GPC5: variants seen among roughly 807,000 people sequenced by gnomAD.
GPC5 encodes glypican-5.
A neutral mutation model predicts 53.9 loss-of-function variants in GPC5; 47 were observed. That is an observed-to-expected ratio of 0.87 (90% CI 0.69 to 1.11). GPC5 has a LOEUF of 1.11. Ranked by LOEUF, GPC5 falls within the 50% of genes most tolerant of loss-of-function variation. The pLI is 0.00. For missense variants in GPC5, 748 were observed against 713.1 expected (o/e 1.05, Z -0.56); for synonymous variants, 286 against 263.3 (o/e 1.09, Z -0.84).
intron 7 of GPC5, among the ~76,000 whole-genome samples, chr13:92,381,791 A>G (rs2043741120): frequency 9.1e-6 from 1 of 109,854 alleles, no homozygotes; most frequent in Admixed American, 9.2e-5. Flanking sequence ...AAACTGTGAT[A>G]TATATAGATA....
intron 7 of GPC5, among the ~76,000 whole-genome samples, chr13:92,514,972 C>T (rs548383045): frequency 4.9e-4 from 75 of 152,112 alleles, no homozygotes; most frequent in Non-Finnish European, 8.5e-4. Flanking sequence ...TCCACAGAAA[C>T]GCAGGGAGAT....
chr13:91,919,505 T>C (rs2039690618), intron 6 of GPC5, among the ~76,000 whole-genome samples: 1 of 152,240 alleles, frequency 6.6e-6, no homozygotes, highest in African/African-American at 2.4e-5. Flanking sequence ...GCTGCTGTGA[T>C]AAAATATAGT....
Position 91,728,442 on chromosome 13 carries a change from G to A in GPC5, c.1021-90G>A, listed in dbSNP as rs569467319. 4.0e-5 allele frequency: 49 copies of A among 1,222,812 alleles called. No individual in the cohort carries two copies. In the South Asian group the frequency reaches 5.1e-4, roughly 13 times the overall value. 75.7% of individuals were successfully genotyped at this position (1,222,812 alleles called of 1,614,324 possible). ...TTAATATTGAGGTGAAAGCAAAAAC[G>A]TGTCATTGTTTTGGGCCCTATGAAA... On this transcript the variant is annotated intron_variant, in intron 3 of 7. Coordinates refer to ENST00000377067, the MANE Select transcript of GPC5 (RefSeq NM_004466.6).
intron 6 of GPC5, among the ~76,000 whole-genome samples, chr13:92,108,346 T>G (rs1339172313): frequency 6.6e-6 from 1 of 152,204 alleles, no homozygotes; most frequent in East Asian, 1.9e-4. Context: ...AGTAATTTAA[T>G]TCTGAAAACC....
chr13:92,353,458 C>T (rs1432391196), intron 7 of GPC5, among the ~76,000 whole-genome samples: 1 of 151,808 alleles, frequency 6.6e-6, no homozygotes, highest in East Asian at 1.9e-4. Context: ...TAAAGTAATA[C>T]CTGACTATAA....
chr13:92,125,326 G>A (rs540827882), intron 6 of GPC5, among the ~76,000 whole-genome samples: 2 of 152,228 alleles, frequency 1.3e-5, no homozygotes, highest in East Asian at 3.9e-4. Flanking sequence ...AACAATAAAT[G>A]TGTGTTTTAA....
intron 5 of GPC5, among the ~76,000 whole-genome samples, chr13:91,864,579 A>G (rs1035313107): frequency 1.3e-5 from 2 of 152,170 alleles, no homozygotes; most frequent in Non-Finnish European, 2.9e-5. Flanking sequence ...AGAAAAATAA[A>G]CTTAGGGACT....
At chr13:92,353,236 TG>T (rs1327037430) in intron 7 of GPC5, among the ~76,000 whole-genome samples, 2 of 128,682 alleles carry the variant, frequency 1.6e-5, no homozygotes, top group Non-Finnish European at 3.1e-5. Context: ...GTCCGCAGTC[TG>T]GCCTGGGCGA....
chr13:92,629,581 G>A (rs570020098), intron 7 of GPC5, among the ~76,000 whole-genome samples: 12 of 152,204 alleles, frequency 7.9e-5, no homozygotes, highest in Admixed American at 1.3e-4. Context: ...AAACATTTTC[G>A]AATATATAAT....
intron 7 of GPC5, among the ~76,000 whole-genome samples, chr13:92,546,183 A>G (rs1018611519): frequency 2.0e-5 from 3 of 152,154 alleles, no homozygotes; most frequent in Admixed American, 2.0e-4. Context: ...AGGCAGGAGA[A>G]GGAAATAAAG....
At chr13:91,979,959 C>A (rs2040342632) in intron 6 of GPC5, among the ~76,000 whole-genome samples, 1 of 152,170 alleles carries the variant, frequency 6.6e-6, no homozygotes, top group Non-Finnish European at 1.5e-5. Flanking sequence ...AGAGACACCT[C>A]CGCCTTTTAC....
At chr13:92,527,344 AACAGAGGAGGAAAAG>A (rs1881401974) in intron 7 of GPC5, among the ~76,000 whole-genome samples, 2 of 152,252 alleles carry the variant, frequency 1.3e-5, no homozygotes, top group Middle Eastern at 3.4e-3. Context: ...TTATGCGTCC[AACAGAGGAGGAAAAG>A]GCAAGCAGCA....
At chr13:92,600,472 T>C (rs1566313060) in intron 7 of GPC5, among the ~76,000 whole-genome samples, 1 of 151,986 alleles carries the variant, frequency 6.6e-6, no homozygotes, top group African/African-American at 2.4e-5. Flanking sequence ...TGTTTTTTTT[T>C]CTTTTCAATT....
intron 7 of GPC5, among the ~76,000 whole-genome samples, chr13:92,825,439 T>C (rs1446443284): frequency 6.6e-5 from 10 of 152,118 alleles, no homozygotes. Flanking sequence ...ATGCAAATGT[T>C]ATTAATTCAA....
At chr13:92,274,341 T>G (rs2042860451) in intron 7 of GPC5, among the ~76,000 whole-genome samples, 1 of 152,122 alleles carries the variant, frequency 6.6e-6, no homozygotes, top group Non-Finnish European at 1.5e-5. Flanking sequence ...GCCATAACTT[T>G]TTCTCACCTT....
At chr13:91,800,310 T>C (rs1419868639) in intron 5 of GPC5, among the ~76,000 whole-genome samples, 2 of 152,148 alleles carry the variant, frequency 1.3e-5, no homozygotes, top group Non-Finnish European at 2.9e-5. Flanking sequence ...TAATGAGATA[T>C]GAGATTAGTT....
intron 7 of GPC5, among the ~76,000 whole-genome samples, chr13:92,862,693 A>G (rs1879222489): frequency 6.6e-6 from 1 of 152,160 alleles, no homozygotes; most frequent in African/African-American, 2.4e-5. Context: ...AGTGTGAAGG[A>G]AAAGGCTGTA....
chr13:92,158,251 GA>G (rs2139001998), intron 7 of GPC5, among the ~76,000 whole-genome samples: 1 of 152,338 alleles, frequency 6.6e-6, no homozygotes, highest in Admixed American at 6.5e-5. Context: ...ACGAGGCTGA[GA>G]AAGCAGTTGG....
intron 7 of GPC5, among the ~76,000 whole-genome samples, chr13:92,203,301 G>T (rs1175468333): frequency 1.3e-5 from 2 of 149,754 alleles, no homozygotes; most frequent in East Asian, 3.9e-4. Context: ...GGAATACTAT[G>T]CAGACATAAA....
Sources: allele counts gnomAD v4.1 joint callset (sites outside exome capture counted in the v4.1 genomes callset), GRCh38; gene constraint gnomAD v4.1.1; transcripts MANE v1.5; gene names NCBI Gene and HGNC (gene_info 2026-07-23, HGNC 2026-07-21).